The following MAF variants were observed in gnomAD, a reference collection of about 807,000 sequenced individuals.
The protein encoded by MAF is MAF bZIP transcription factor.
A neutral mutation model predicts 22.0 loss-of-function variants in MAF; 10 were observed. The observed-to-expected ratio is 0.45, with a 90% confidence interval of 0.28 to 0.77. The LOEUF (loss-of-function observed/expected upper bound fraction) is 0.77, where lower values mean the gene tolerates loss of function less well. Among genes scored for constraint, MAF ranks in the 30% least tolerant of loss-of-function variants. The pLI is 0.12. For missense variants in MAF, 544 were observed against 548.4 expected (o/e 0.99, Z 0.08); for synonymous variants, 337 against 255.8 (o/e 1.32, Z -3.03).
chr16:79,416,617 T>A, the MAF span, among the ~76,000 whole-genome samples: 2 of 152,124 alleles, frequency 1.3e-5, no homozygotes, highest in East Asian at 1.9e-4. Context: ...GTTTTACAGA[T>A]GAAGAAATAG....
the MAF span, among the ~76,000 whole-genome samples, chr16:79,504,162 T>C: frequency 2.4e-4 from 36 of 152,236 alleles, no homozygotes; most frequent in African/African-American, 8.7e-4. Flanking sequence ...TTGGCCGTTA[T>C]GCTGTAGCCT....
chr16:79,512,605 G>A, the MAF span, among the ~76,000 whole-genome samples: 1 of 152,170 alleles, frequency 6.6e-6, no homozygotes, highest in Non-Finnish European at 1.5e-5. Flanking sequence ...CAGTTGGGGA[G>A]CTCATTATGA....
the MAF span, among the ~76,000 whole-genome samples, chr16:79,429,639 C>T: frequency 6.6e-6 from 1 of 152,172 alleles, no homozygotes; most frequent in Non-Finnish European, 1.5e-5. Context: ...TCCCTGGTTT[C>T]TCGGGCTCCT....
the MAF span, among the ~76,000 whole-genome samples, chr16:79,220,916 G>C: frequency 6.6e-6 from 1 of 152,188 alleles, no homozygotes; most frequent in East Asian, 1.9e-4. Context: ...ACCTTACCGG[G>C]AGATGCCATT....
In MAF at chr16:79,594,349, AT is replaced by A; in HGVS notation, c.*110del. On this transcript the variant is annotated 3_prime_UTR_variant, in exon 2 of 2. Transcript: ENST00000326043. ...AATAGCCTTCTTCTCTAACACAGTA[AT>A]TTTTATTTAAAAAGGAGACTAAACA... 2 of 979,534 alleles carry A rather than the reference AT, an allele frequency of 2.0e-6. No homozygotes were observed. The highest frequency in any genetic ancestry group is 3.2e-6 in the Non-Finnish European group (2 of 631,930). 60.7% of individuals were successfully genotyped at this position (979,534 alleles called of 1,614,324 possible).
chr16:79,339,094 C>T, the MAF span, among the ~76,000 whole-genome samples: 4 of 151,712 alleles, frequency 2.6e-5, no homozygotes, highest in South Asian at 2.1e-4. Context: ...TTTTTTGAGA[C>T]GGAGTCTCAC....
At chr16:79,491,123 G>A in the MAF span, among the ~76,000 whole-genome samples, 4 of 152,192 alleles carry the variant, frequency 2.6e-5, no homozygotes, top group Admixed American at 6.5e-5. Context: ...TTCGAGATAG[G>A]ATGGGGTTAT....
the MAF span, among the ~76,000 whole-genome samples, chr16:79,495,163 A>G: frequency 5.9e-5 from 9 of 152,186 alleles, no homozygotes; most frequent in Non-Finnish European, 1.3e-4. Flanking sequence ...TATTGGTGAT[A>G]GAATAGCAAA....
At chr16:79,447,905 A>AAAAAAAAAAAAAAAAAG in the MAF span, among the ~76,000 whole-genome samples, 239 of 85,756 alleles carry the variant, frequency 2.8e-3, 5 homozygotes, top group African/African-American at 7.0e-3. Context: ...AAAAAAAAAA[A>AAAAAAAAAAAAAAAAAG]AAAAGAAAAG....
chr16:79,213,457 C>T, the MAF span, among the ~76,000 whole-genome samples: 5 of 151,420 alleles, frequency 3.3e-5, no homozygotes, highest in South Asian at 2.1e-4. Context: ...CAAAAGCAGC[C>T]GTCAGAACTC....
chr16:79,231,981 C>T, the MAF span, among the ~76,000 whole-genome samples: 5 of 152,048 alleles, frequency 3.3e-5, no homozygotes, highest in South Asian at 4.2e-4. Context: ...AACCTAGATC[C>T]CTTGCATGCA....
At chr16:79,546,869 G>C in the MAF span, among the ~76,000 whole-genome samples, 1 of 152,058 alleles carries the variant, frequency 6.6e-6, no homozygotes, top group Non-Finnish European at 1.5e-5. Flanking sequence ...GGACTTATAT[G>C]ACATGTTTAT....
the MAF span, among the ~76,000 whole-genome samples, chr16:79,291,430 C>A: frequency 6.6e-6 from 1 of 152,138 alleles, no homozygotes; most frequent in Non-Finnish European, 1.5e-5. Flanking sequence ...CTTTTGGATT[C>A]TGGCTCTAAA....
chr16:79,462,318 C>T, the MAF span, among the ~76,000 whole-genome samples: 1 of 152,204 alleles, frequency 6.6e-6, no homozygotes, highest in Admixed American at 6.5e-5. Context: ...TCTAACCCAA[C>T]AGGATGAGTA....
chr16:79,205,150 C>T, the MAF span: 8 of 152,248 alleles, frequency 5.3e-5, no homozygotes, highest in African/African-American at 1.9e-4. Flanking sequence ...TTAAAAGCTG[C>T]ATGGCACTCT....
At chr16:79,574,486 C>T in the MAF span, among the ~76,000 whole-genome samples, 2 of 152,220 alleles carry the variant, frequency 1.3e-5, no homozygotes, top group African/African-American at 4.8e-5. Flanking sequence ...ATGAGCCATT[C>T]TAACACCTCA....
chr16:79,468,177 G>A, the MAF span, among the ~76,000 whole-genome samples: 1 of 152,150 alleles, frequency 6.6e-6, no homozygotes. Context: ...GCTGCAGAGG[G>A]CCCTGCACAT....
At chr16:79,406,675 G>A in the MAF span, among the ~76,000 whole-genome samples, 1 of 152,150 alleles carries the variant, frequency 6.6e-6, no homozygotes. Context: ...TGTGGGGAGT[G>A]GGGCATCAAC....
the MAF span, among the ~76,000 whole-genome samples, chr16:79,574,970 G>T: frequency 4.6e-5 from 7 of 151,800 alleles, no homozygotes; most frequent in African/African-American, 1.7e-4. Context: ...GTGTCCCTGG[G>T]GTTCTTCTAC....
Sources: gnomAD v4.1 joint callset for allele counts (sites outside exome capture counted in the v4.1 genomes callset) on GRCh38, gnomAD v4.1.1 for gene constraint, MANE v1.5 for transcripts, NCBI Gene and HGNC (gene_info 2026-07-23, HGNC 2026-07-21) for gene names.